SLC1A2: variants seen among roughly 807,000 people sequenced by gnomAD.
SLC1A2 encodes solute carrier family 1 member 2, also known as excitatory amino acid transporter 2.
A neutral mutation model predicts 48.8 loss-of-function variants in SLC1A2; 15 were observed. That is an observed-to-expected ratio of 0.31 (90% CI 0.21 to 0.47). The LOEUF (loss-of-function observed/expected upper bound fraction) is 0.47, where lower values mean the gene tolerates loss of function less well. SLC1A2 is among the 20% of genes least tolerant of loss of function. The pLI, the probability that SLC1A2 is intolerant of heterozygous loss-of-function variation, is 0.99. For synonymous variants in SLC1A2, 279 were observed against 272.6 expected, an observed-to-expected ratio of 1.02 and a Z score of -0.23; for missense variants, 502 against 730.5, an observed-to-expected ratio of 0.69 and a Z score of 3.61.
chr11:35,396,027 T>G (rs1234529526), intron 1 of SLC1A2, among the ~76,000 whole-genome samples: 1 of 147,210 alleles, frequency 6.8e-6, no homozygotes. Flanking sequence ...TATGGCTGCA[T>G]AGTATTCCAT....
At position 35,314,941 on chromosome 11, in the gene SLC1A2, C is replaced by G. The variant is rs7103913; in HGVS notation, c.310+82G>C. 5,767 of 1,015,066 alleles carry G rather than the reference C, an allele frequency of 5.7e-3. 197 individuals are homozygous for G. In the African/African-American group the frequency reaches 0.079, roughly 14 times the overall value. 62.9% of individuals were successfully genotyped at this position (1,015,066 alleles called of 1,614,324 possible). A position where few individuals can be genotyped will look rare whatever the true frequency, so the allele number is the denominator to read the frequency against. On this transcript the variant is annotated intron_variant, in intron 3 of 10. Transcript: ENST00000278379. ...GACATAGACGATCACATTCACTCAACCAAATTGAGATTCTACAGTTAATTA... is the reference window on the plus strand; with the variant it reads ...GACATAGACGATCACATTCACTCAAGCAAATTGAGATTCTACAGTTAATTA...
Position 35,306,056 on chromosome 11 carries a change from G to C in SLC1A2, c.730+18C>G. ...CCATTGCCAGGGAAGCAGAATCCCG[G>C]ACCACCAGCTGGCCTACCTAAGACG... On this transcript the variant is annotated intron_variant, in intron 5 of 10. Coordinates refer to ENST00000278379, the MANE Select transcript of SLC1A2 (RefSeq NM_004171.4). The C allele has an allele frequency of 1.2e-6, 2 of 1,611,118 alleles. No homozygotes were observed. Among genetic ancestry groups the C allele is most frequent in the Non-Finnish European group, 1.7e-6 (2 of 1,178,072 alleles).
intron 1 of SLC1A2, among the ~76,000 whole-genome samples, chr11:35,351,818 TAG>T (rs1350545567): frequency 6.6e-6 from 1 of 152,084 alleles, no homozygotes; most frequent in Non-Finnish European, 1.5e-5. Context: ...GTATTTTTAG[TAG>T]AGACGGGGTT....
intron 10 of SLC1A2, chr11:35,265,006 T>TG (rs1174354179): frequency 1.3e-5 from 2 of 149,146 alleles, no homozygotes; most frequent in African/African-American, 5.0e-5. Context: ...TGGAGTGCGG[T>TG]GGCGCAATCT....
chr11:35,375,061 G>A (rs969774116), intron 1 of SLC1A2, among the ~76,000 whole-genome samples: 3 of 152,232 alleles, frequency 2.0e-5, no homozygotes, highest in African/African-American at 7.2e-5. Context: ...TTTAAAAACC[G>A]CAGTTTTCAA....
At chr11:35,360,884 T>A (rs1295284531) in intron 1 of SLC1A2, among the ~76,000 whole-genome samples, 1 of 148,160 alleles carries the variant, frequency 6.7e-6, no homozygotes, top group Non-Finnish European at 1.5e-5. Context: ...TTTATTATTA[T>A]TTTTTTTTTG....
At chr11:35,280,801 G>T in intron 9 of SLC1A2, 66 bp downstream of exon 9, 1 of 1,158,906 alleles carries the variant, frequency 8.6e-7, no homozygotes, top group Non-Finnish European at 1.2e-6. Flanking sequence ...TTGCAACCTT[G>T]CCACCTGTGC....
intron 8 of SLC1A2, among the ~76,000 whole-genome samples, chr11:35,282,590 C>A (rs1465195100): frequency 6.6e-6 from 1 of 151,484 alleles, no homozygotes; most frequent in African/African-American, 2.4e-5. Context: ...ATGAAAACTT[C>A]CCTAAAGCCC....
chr11:35,294,902 T>C lies in SLC1A2; in HGVS notation c.858-2382A>G, dbSNP rs1226248271. ...AGTGAAGTGTTAGGGTTTATAAATATGGCAAGAAGAAGCCCTTGCTAATCC... is the reference window on the plus strand; with the variant it reads ...AGTGAAGTGTTAGGGTTTATAAATACGGCAAGAAGAAGCCCTTGCTAATCC... On this transcript the variant is annotated intron_variant, in intron 6 of 10. Transcript: ENST00000278379. Among the ~76,000 whole-genome samples the C allele has an allele frequency of 3.9e-5, 6 of 152,298 alleles. No individual in the cohort carries two copies. In the South Asian group the frequency reaches 1.2e-3, roughly 32 times the overall value.
At chr11:35,264,349 T>G (rs1044605506) in intron 10 of SLC1A2, among the ~76,000 whole-genome samples, 1 of 152,180 alleles carries the variant, frequency 6.6e-6, no homozygotes, top group Non-Finnish European at 1.5e-5. Context: ...AAGAAATTAG[T>G]GATTAAATGT....
intron 1 of SLC1A2, among the ~76,000 whole-genome samples, chr11:35,411,988 A>T (rs1485185162): frequency 6.6e-6 from 1 of 151,708 alleles, no homozygotes; most frequent in Non-Finnish European, 1.5e-5. Flanking sequence ...TTCTTCAGAG[A>T]CACTAGGTTA....
chr11:35,292,369 A>T lies in SLC1A2; in HGVS notation c.1009T>A (p.Phe337Ile). ...HGGIFLPLIY[F>I]VVTRKNPFSF... ...AAGGGGTTTTTCCTGGTCACTACAA[A>T]GTAAATCAAGGGGAGAAAGATGCCC... The change falls in exon 7 of 11, where the codon TTT becomes ATT. Residue 337 changes from phenylalanine (F) to isoleucine (I), a missense_variant. Transcript: ENST00000278379. 1 of 1,614,084 alleles carries T rather than the reference A, an allele frequency of 6.2e-7. No individual in the cohort carries two copies. Among genetic ancestry groups the T allele is most frequent in the Non-Finnish European group, 8.5e-7 (1 of 1,179,960 alleles).
At chr11:35,307,611 C>T (rs145978481) in intron 4 of SLC1A2, among the ~76,000 whole-genome samples, 1 of 152,260 alleles carries the variant, frequency 6.6e-6, no homozygotes, top group East Asian at 1.9e-4. Context: ...CGAATAGATA[C>T]GGAAGAAGAT....
intron 10 of SLC1A2, among the ~76,000 whole-genome samples, chr11:35,264,664 G>A (rs1950450754): frequency 6.6e-6 from 1 of 152,208 alleles, no homozygotes; most frequent in Non-Finnish European, 1.5e-5. Context: ...CTGAGATGTA[G>A]TGTTTTTAAA....
rs1023882820 is a variant in SLC1A2, at chr11:35,275,659, G to A, written c.1421+5208C>T. ...GGCTTAGAGGGCAGTAATGAGGCTGGCTGGTCTCCAGCAGTTGGCAAACAC... is the reference window on the plus strand; with the variant it reads ...GGCTTAGAGGGCAGTAATGAGGCTGACTGGTCTCCAGCAGTTGGCAAACAC... On this transcript the variant is annotated intron_variant, in intron 9 of 10. Coordinates refer to ENST00000278379, the MANE Select transcript of SLC1A2 (RefSeq NM_004171.4). Among the ~76,000 whole-genome samples, 4 of 152,210 alleles carry A rather than the reference G, an allele frequency of 2.6e-5. No individual in the cohort carries two copies. In the East Asian group the frequency reaches 7.7e-4, roughly 29 times the overall value.
intron 1 of SLC1A2, among the ~76,000 whole-genome samples, chr11:35,401,325 G>T (rs1272603846): frequency 6.6e-6 from 1 of 152,178 alleles, no homozygotes; most frequent in African/African-American, 2.4e-5. Flanking sequence ...CTTTTGCAGG[G>T]CATTTCAAAA....
intron 4 of SLC1A2, among the ~76,000 whole-genome samples, chr11:35,308,101 C>T (rs547073646): frequency 8.5e-5 from 13 of 152,308 alleles, no homozygotes; most frequent in African/African-American, 1.9e-4. Flanking sequence ...AAGAAGCCTA[C>T]GTTTGGTTTA....
intron 6 of SLC1A2, among the ~76,000 whole-genome samples, chr11:35,300,231 C>T (rs1485027352): frequency 6.6e-6 from 1 of 152,234 alleles, no homozygotes; most frequent in Non-Finnish European, 1.5e-5. Flanking sequence ...ATATGAACTA[C>T]AGCTCTTCCT....
chr11:35,394,152 C>T (rs1047157012), intron 1 of SLC1A2, among the ~76,000 whole-genome samples: 5 of 152,096 alleles, frequency 3.3e-5, no homozygotes, highest in African/African-American at 9.7e-5. Flanking sequence ...TAAGTAAACT[C>T]CTCCTACCCA....
Sources: gnomAD v4.1 joint callset for allele counts (sites outside exome capture counted in the v4.1 genomes callset) on GRCh38, gnomAD v4.1.1 for gene constraint, MANE v1.5 for transcripts, NCBI Gene and HGNC (gene_info 2026-07-23, HGNC 2026-07-21) for gene names.